GRM5: variants seen among roughly 807,000 people sequenced by gnomAD.
GRM5 encodes the protein glutamate metabotropic receptor 5.
In GRM5, 19 loss-of-function variants were observed where a neutral mutation model predicts 83.1. The ratio of observed to expected loss-of-function variants is 0.23; its 90% CI spans 0.16 to 0.34. GRM5 has a LOEUF of 0.34. GRM5 is among the 10% of genes least tolerant of loss of function. The pLI is 1.00. For missense variants in GRM5, 1,160 were observed against 1,588.3 expected (o/e 0.73, Z 4.58); for synonymous variants, 675 against 633.6 (o/e 1.07, Z -0.98).
intron 3 of GRM5, among the ~76,000 whole-genome samples, chr11:88,718,682 C>CTCTA (rs1027839932): frequency 2.5e-4 from 38 of 152,060 alleles, no homozygotes; most frequent in Admixed American, 1.8e-3. Flanking sequence ...CAGTTCACTT[C>CTCTA]TCTATCTTCC....
Position 88,754,372 on chromosome 11 carries a change from G to A in GRM5, c.911+95534C>T, listed in dbSNP as rs140112411. ...GAAGATCTGTACAGCAAACCACCAT[G>A]GCACTTGTTTACCTATATAACGAAC... On this transcript the variant is annotated intron_variant, in intron 3 of 9. Transcript: ENST00000305447. Among the ~76,000 whole-genome samples the A allele has an allele frequency of 1.4e-3, 215 of 152,146 alleles. 1 individual carries two copies. Among genetic ancestry groups the A allele is most frequent in the African/African-American group, 5.0e-3 (206 of 41,512 alleles).
rs1254022905 is a variant in GRM5, at chr11:88,567,177, C to T, written c.2506G>A (p.Ala836Thr). The change falls in exon 8 of 10, where the codon GCC (alanine) becomes ACC (threonine). Residue 836 changes from alanine to threonine, a missense_variant. Physicochemically the swap from Ala to Thr is moderately conservative, Grantham distance 58. This residue lies in a region of GRM5 where 66 missense variants were observed against 138.6 expected (regional missense o/e 0.48). Transcript: ENST00000305447. This position sits in a 1 kb window ranked among gnomAD's most constrained non-coding sequence, Gnocchi z 7.3. The part of the protein sequence containing the change: ...LAKPERNVRS[A>T]FTTSTVVRMH... ...CGCACCACGGTAGATGTGGTGAAGG[C>T]GCTGCGCACGTTTCTCTCTGGTTTG... 14 of 1,614,004 alleles carry T rather than the reference C, an allele frequency of 8.7e-6. No individual in the cohort carries two copies. Among genetic ancestry groups the T allele is most frequent in the South Asian group, 1.1e-5 (1 of 91,072 alleles).
intron 2 of GRM5, among the ~76,000 whole-genome samples, chr11:89,016,680 T>C (rs1487372023): frequency 6.6e-6 from 1 of 152,178 alleles, no homozygotes; most frequent in Non-Finnish European, 1.5e-5. Context: ...CATTATGATG[T>C]GGCTGTTTCT....
intron 4 of GRM5, among the ~76,000 whole-genome samples, chr11:88,645,148 A>ATC (rs1939404945): frequency 6.6e-6 from 1 of 152,122 alleles, no homozygotes; most frequent in Admixed American, 6.6e-5. Context: ...CCGTTCATTT[A>ATC]ATCTTCATTT....
At chr11:88,709,348 C>A (rs76746327) in intron 3 of GRM5, among the ~76,000 whole-genome samples, 1 of 151,934 alleles carries the variant, frequency 6.6e-6, no homozygotes, top group Non-Finnish European at 1.5e-5. Context: ...AGTTATAGGT[C>A]AGATCATGGA....
intron 2 of GRM5, among the ~76,000 whole-genome samples, chr11:88,851,663 CTACCA>C: frequency 1.3e-5 from 2 of 152,304 alleles, no homozygotes; most frequent in Middle Eastern, 6.8e-3. Context: ...GATGTGGGTG[CTACCA>C]TACCACAGGT....
chr11:88,667,380 C>A (rs1337097186), intron 3 of GRM5, among the ~76,000 whole-genome samples: 1 of 151,866 alleles, frequency 6.6e-6, no homozygotes, highest in Non-Finnish European at 1.5e-5. Context: ...AGCATGAAAC[C>A]TACCAAAACA....
At chr11:89,062,636 A>C (rs1420198181) in intron 1 of GRM5, among the ~76,000 whole-genome samples, 2 of 152,236 alleles carry the variant, frequency 1.3e-5, no homozygotes, top group Non-Finnish European at 2.9e-5. Flanking sequence ...ATTGTGTCTA[A>C]ATAAGCACAA....
intron 9 of GRM5, among the ~76,000 whole-genome samples, chr11:88,519,250 G>A (rs1941610796): frequency 6.6e-6 from 1 of 151,846 alleles, no homozygotes; most frequent in Non-Finnish European, 1.5e-5. Flanking sequence ...AACACAGCAT[G>A]TCTTAAGTCT....
chr11:88,819,668 T>C (rs1403165049), intron 3 of GRM5, among the ~76,000 whole-genome samples: 2 of 152,242 alleles, frequency 1.3e-5, no homozygotes, highest in Admixed American at 6.5e-5. Context: ...TGTGGCTCAC[T>C]TAATTCCTTT....
chr11:88,786,794 C>T (rs1943077340), intron 3 of GRM5, among the ~76,000 whole-genome samples: 1 of 152,010 alleles, frequency 6.6e-6, no homozygotes. Context: ...TATCTATCCC[C>T]TTTCCTCGCT....
chr11:88,874,676 T>C (rs573169898), intron 2 of GRM5, among the ~76,000 whole-genome samples: 3 of 151,914 alleles, frequency 2.0e-5, no homozygotes, highest in African/African-American at 7.2e-5. Context: ...GGAGAATATA[T>C]TTGCAAACTA....
intron 2 of GRM5, among the ~76,000 whole-genome samples, chr11:88,989,502 C>G (rs1417029737): frequency 7.8e-6 from 1 of 128,076 alleles, no homozygotes; most frequent in East Asian, 2.2e-4. Flanking sequence ...AGCTCTGCAC[C>G]AAGCGGACCT....
At chr11:88,991,842 C>T (rs1224260004) in intron 2 of GRM5, among the ~76,000 whole-genome samples, 1 of 152,010 alleles carries the variant, frequency 6.6e-6, no homozygotes, top group East Asian at 1.9e-4. Context: ...CCCTTCCTTA[C>T]ACCTTATACA....
At chr11:89,029,511 A>G (rs1201661968) in intron 2 of GRM5, among the ~76,000 whole-genome samples, 1 of 152,196 alleles carries the variant, frequency 6.6e-6, no homozygotes, top group Non-Finnish European at 1.5e-5. Context: ...TATAGCATAT[A>G]TTTCAATAAA....
intron 1 of GRM5, among the ~76,000 whole-genome samples, chr11:89,057,577 G>C (rs1167589124): frequency 6.6e-6 from 1 of 152,194 alleles, no homozygotes; most frequent in African/African-American, 2.4e-5. Context: ...TGGTTTAGCA[G>C]TCTATGAAGA....
intron 2 of GRM5, among the ~76,000 whole-genome samples, chr11:89,033,149 T>C (rs536547843): frequency 2.0e-5 from 3 of 152,186 alleles, no homozygotes; most frequent in East Asian, 3.9e-4. Flanking sequence ...GATTATTCAA[T>C]TGACCATCAT....
intron 2 of GRM5, among the ~76,000 whole-genome samples, chr11:89,033,400 T>C (rs1372230934): frequency 1.5e-4 from 23 of 152,012 alleles, no homozygotes; most frequent in Non-Finnish European, 1.5e-5. Flanking sequence ...TACTTCAGCA[T>C]TAATTTCTGC....
At chr11:88,758,082 A>T (rs973882764) in intron 3 of GRM5, among the ~76,000 whole-genome samples, 11 of 152,156 alleles carry the variant, frequency 7.2e-5, no homozygotes, top group Non-Finnish European at 7.4e-5. Flanking sequence ...ACAAAAACCA[A>T]TCCAAAGGAC....
Sources: allele counts gnomAD v4.1 joint callset (sites outside exome capture counted in the v4.1 genomes callset), GRCh38; gene constraint gnomAD v4.1.1; regional missense constraint gnomAD v4.1.1; non-coding constraint Gnocchi (gnomAD v3.1); transcripts MANE v1.5; gene names NCBI Gene and HGNC (gene_info 2026-07-23, HGNC 2026-07-21).